Variants in RUNX1 observed in about 807,000 individuals in gnomAD.
The protein encoded by RUNX1 is runt-related transcription factor 1.
Under a neutral mutation model 42.8 loss-of-function variants are expected in RUNX1, and 19 were observed. The ratio of observed to expected loss-of-function variants is 0.44; its 90% CI spans 0.31 to 0.65. The LOEUF (loss-of-function observed/expected upper bound fraction) is 0.65, where lower values mean the gene tolerates loss of function less well. Ranked by LOEUF, RUNX1 falls within the 30% of genes least tolerant of loss-of-function variation. RUNX1 has a pLI of 0.07. For synonymous variants in RUNX1, 271 were observed against 289.4 expected (o/e 0.94, Z 0.64); for missense variants, 528 against 672.0 (o/e 0.79, Z 2.37).
At chr21:34,856,772 C>T (rs143991658) in intron 6 of RUNX1, among the ~76,000 whole-genome samples, 261 of 152,244 alleles carry the variant, frequency 1.7e-3, no homozygotes, top group African/African-American at 5.7e-3. Context: ...GCCATTTTGC[C>T]AGGATTTCCC....
intron 2 of RUNX1, among the ~76,000 whole-genome samples, chr21:34,933,010 T>C (rs1001012607): frequency 1.3e-5 from 2 of 152,244 alleles, no homozygotes; most frequent in Non-Finnish European, 2.9e-5. Flanking sequence ...CATGTACGTG[T>C]GCATAATGAT....
intron 2 of RUNX1, among the ~76,000 whole-genome samples, chr21:35,035,304 C>T (rs781513840): frequency 5.3e-5 from 8 of 152,020 alleles, no homozygotes; most frequent in Non-Finnish European, 7.4e-5. Flanking sequence ...GGTGACTCAG[C>T]GGGAAAGGAC....
At chr21:34,875,955 A>C (rs758185879) in intron 5 of RUNX1, among the ~76,000 whole-genome samples, 1 of 152,246 alleles carries the variant, frequency 6.6e-6, no homozygotes, top group Non-Finnish European at 1.5e-5. Context: ...CAGGATAAAT[A>C]TTATGTCTGG....
intron 8 of RUNX1, among the ~76,000 whole-genome samples, chr21:34,795,839 G>GA (rs2056519370): frequency 6.6e-6 from 1 of 152,198 alleles, no homozygotes; most frequent in Non-Finnish European, 1.5e-5. Flanking sequence ...AGAGTCTACG[G>GA]AGAAGCTGGG....
In RUNX1 at chr21:34,909,958, C is replaced by CAA. The variant is rs1435250603; in HGVS notation, c.59-16996_59-16995insTT. Among the ~76,000 whole-genome samples, 33 of 152,148 alleles carry CAA rather than the reference C, an allele frequency of 2.2e-4. 2 individuals are homozygous for CAA. Among genetic ancestry groups the CAA allele is most frequent in the Non-Finnish European group, 2.9e-5 (2 of 68,034 alleles). Reference sequence around the variant, plus strand: ...CTTCCTCCTCCTCCTTCTTCTTCAACTATTATCTACCAAGCTGTGCCTGGG... The same window carrying CAA: ...CTTCCTCCTCCTCCTTCTTCTTCAACAATATTATCTACCAAGCTGTGCCTGGG... On this transcript the variant is annotated intron_variant, in intron 2 of 8. Coordinates refer to ENST00000675419, the MANE Select transcript of RUNX1 (RefSeq NM_001754.5).
intron 6 of RUNX1, among the ~76,000 whole-genome samples, chr21:34,845,685 C>T (rs2057305024): frequency 6.6e-6 from 1 of 152,116 alleles, no homozygotes; most frequent in Admixed American, 6.5e-5. Context: ...CGGAGGGGGA[C>T]CCCGCCCCAC....
chr21:34,858,407 A>G (rs901165439), intron 6 of RUNX1, among the ~76,000 whole-genome samples: 5 of 152,202 alleles, frequency 3.3e-5, no homozygotes, highest in Non-Finnish European at 5.9e-5. Flanking sequence ...TGCATCAGGC[A>G]CACAGCATCA....
chr21:34,872,809 C>T (rs762129444), intron 5 of RUNX1, among the ~76,000 whole-genome samples: 36 of 152,036 alleles, frequency 2.4e-4, no homozygotes, highest in Non-Finnish European at 3.7e-4. Flanking sequence ...TAGATGCCAC[C>T]GGCACTCCCC....
chr21:34,990,644 A>T (rs930570209), intron 2 of RUNX1, among the ~76,000 whole-genome samples: 26 of 147,556 alleles, frequency 1.8e-4, no homozygotes, highest in Non-Finnish European at 3.6e-4. Context: ...GATATGAGGA[A>T]TAATTTTTTT....
chr21:34,874,634 A>AAAAAAAAAC, intron 5 of RUNX1, among the ~76,000 whole-genome samples: 2 of 147,972 alleles, frequency 1.4e-5, no homozygotes, highest in Admixed American at 6.7e-5. Context: ...AAAAAAAAAA[A>AAAAAAAAAC]AGACAGTACA....
At chr21:34,950,223 A>G (rs1404273013) in intron 2 of RUNX1, among the ~76,000 whole-genome samples, 2 of 152,232 alleles carry the variant, frequency 1.3e-5, no homozygotes, top group Non-Finnish European at 2.9e-5. Context: ...ACACAGCTAC[A>G]TTGTTTAACA....
intron 7 of RUNX1, among the ~76,000 whole-genome samples, chr21:34,800,370 C>T (rs2056591903): frequency 6.6e-6 from 1 of 152,198 alleles, no homozygotes; most frequent in African/African-American, 2.4e-5. Flanking sequence ...TGGACACTGT[C>T]CCACTAGAAG....
chr21:34,888,162 A>G, intron 3 of RUNX1: 3 of 1,066,494 alleles, frequency 2.8e-6, no homozygotes, highest in East Asian at 5.0e-5. Flanking sequence ...CTCGGGCAGC[A>G]GCGAGACGAT....
At chr21:34,821,264 C>T in intron 7 of RUNX1, 1 of 1,072,962 alleles carries the variant, frequency 9.3e-7, no homozygotes, top group Non-Finnish European at 1.1e-6. Context: ...AATAAGAGCA[C>T]ATAAATAGCA....
At chr21:34,990,773 G>C (rs2058931146) in intron 2 of RUNX1, among the ~76,000 whole-genome samples, 1 of 151,970 alleles carries the variant, frequency 6.6e-6, no homozygotes, top group Non-Finnish European at 1.5e-5. Context: ...TGTATTTTTA[G>C]TAGAGACAGG....
At chr21:34,958,277 C>T (rs893189125) in intron 2 of RUNX1, among the ~76,000 whole-genome samples, 2 of 152,088 alleles carry the variant, frequency 1.3e-5, no homozygotes, top group Admixed American at 1.3e-4. Context: ...AGTGAACATT[C>T]GTAAAATGAA....
chr21:34,880,099 T>C (rs1298820955), intron 5 of RUNX1, among the ~76,000 whole-genome samples: 1 of 152,224 alleles, frequency 6.6e-6, no homozygotes, highest in Admixed American at 6.5e-5. Context: ...CATCATACAC[T>C]AGAAATCCCT....
chr21:34,861,475 T>C (rs929673003), intron 5 of RUNX1, among the ~76,000 whole-genome samples: 4 of 152,188 alleles, frequency 2.6e-5, no homozygotes, highest in Non-Finnish European at 5.9e-5. Flanking sequence ...ACAAGCCTCA[T>C]GGTCAGCCTG....
chr21:34,892,070 C>G (rs1292664991), intron 3 of RUNX1, among the ~76,000 whole-genome samples: 5 of 152,124 alleles, frequency 3.3e-5, no homozygotes, highest in Non-Finnish European at 5.9e-5. Context: ...CCTTTGCGAG[C>G]AATATATTTC....
Sources: gnomAD v4.1 joint callset for allele counts (sites outside exome capture counted in the v4.1 genomes callset) on GRCh38, gnomAD v4.1.1 for gene constraint, MANE v1.5 for transcripts, NCBI Gene and HGNC (gene_info 2026-07-23, HGNC 2026-07-21) for gene names.